Variants in THBS2 observed in about 807,000 individuals in gnomAD.
THBS2 encodes the protein thrombospondin 2, also known as thrombospondin-2.
Under a neutral mutation model 135.2 loss-of-function variants are expected in THBS2, and 47 were observed. That is an observed-to-expected ratio of 0.35 (90% CI 0.28 to 0.44). THBS2 has a LOEUF of 0.44. THBS2 is among the 20% of genes least tolerant of loss of function. THBS2 has a pLI of 1.00. For missense variants in THBS2, 1,288 were observed against 1,603.1 expected (o/e 0.80, Z 3.36); for synonymous variants, 639 against 633.8 (o/e 1.01, Z -0.12).
At chr6:169,222,542 C>A (rs1779464848) in intron 18 of THBS2, 74 bp from the exon 19 acceptor site, 6 of 1,532,904 alleles carry the variant, frequency 3.9e-6, no homozygotes, top group Non-Finnish European at 5.3e-6. Context: ...TGCCTGTAAT[C>A]CCAGCACTTT....
Position 169,232,652 on chromosome 6 carries a change from G to T in THBS2, c.1932+12C>A. 1.3e-6 allele frequency: 2 copies of T among 1,587,362 alleles called. No homozygotes were observed. Among genetic ancestry groups the T allele is most frequent in the Non-Finnish European group, 1.7e-6 (2 of 1,167,384 alleles). ...CCGCTCGCAACACACAAGGAAGGCC[G>T]GCCTTGCGTACTTGCTTTTCCGTCT... On this transcript the variant is annotated intron_variant, in intron 12 of 21. Coordinates refer to ENST00000617924, the MANE Select transcript of THBS2 (RefSeq NM_003247.5).
chr6:169,237,407 C>T (rs941367763), intron 8 of THBS2, 61 bp from the exon 9 acceptor site: 54 of 1,595,826 alleles, frequency 3.4e-5, no homozygotes, highest in South Asian at 9.9e-5. Flanking sequence ...TGCCTGTAAG[C>T]GGTGTGCCTT....
At chr6:169,229,796 T>C in intron 13 of THBS2, 117 bp from the exon 14 acceptor site, 1 of 764,578 alleles carries the variant, frequency 1.3e-6, no homozygotes, top group Non-Finnish European at 2.2e-6. Flanking sequence ...CCATCAGTCC[T>C]CGATCTCAAG....
chr6:169,247,944 G>A (rs748000224), intron 3 of THBS2, among the ~76,000 whole-genome samples: 30 of 151,648 alleles, frequency 2.0e-4, no homozygotes, highest in East Asian at 3.9e-4. Context: ...GTTTATGTGC[G>A]TCTGCATGTG....
chr6:169,246,362 A>C (rs1453493054), intron 3 of THBS2, 81 bp from the exon 4 acceptor site: 1 of 1,194,916 alleles, frequency 8.4e-7, no homozygotes, highest in Non-Finnish European at 1.2e-6. Context: ...CATTCTAAAA[A>C]TACAAGTTGG....
rs755893136 is a variant in THBS2, at chr6:169,220,128, G to A, written c.3511+70C>T. 50 of 1,549,370 alleles carry A rather than the reference G, an allele frequency of 3.2e-5. 1 individual carries two copies. The highest frequency in any genetic ancestry group is 2.2e-4 in the African/African-American group (16 of 73,372). On this transcript the variant is annotated intron_variant, in intron 21 of 21. Transcript: ENST00000617924. ...GTACAGCTTTTGTAAGTGGAAGAGC[G>A]CACTGTGTACCCCTTTCCCTTTCTG... is the stretch of plus-strand genomic sequence containing the variant.
chr6:169,218,174 G>GATGGATGAGTGGGTTGGTGGATGAGATGA lies in THBS2; in HGVS notation c.3512-374_3512-346dup, dbSNP rs1173748340. Among the ~76,000 whole-genome samples the GATGGATGAGTGGGTTGGTGGATGAGATGA allele has an allele frequency of 4.1e-3, 603 of 147,992 alleles. 9 individuals carry two copies. The highest frequency in any genetic ancestry group is 0.015 in the African/African-American group (577 of 39,632). On this transcript the variant is annotated intron_variant, in intron 21 of 21. Coordinates refer to ENST00000617924, the MANE Select transcript of THBS2 (RefSeq NM_003247.5). ...GATGGATGAAATGAGTGGGTGGATG[G>GATGGATGAGTGGGTTGGTGGATGAGATGA]ATGGATGAGTGGGTTGGTGGATGAG... is the stretch of plus-strand genomic sequence containing the variant.
chr6:169,239,586 T>C lies in THBS2; in HGVS notation c.1129+13A>G. 6.3e-7 allele frequency: 1 copy of C among 1,586,702 alleles called. No homozygotes were observed. Among genetic ancestry groups the C allele is most frequent in the Non-Finnish European group, 8.6e-7 (1 of 1,165,196 alleles). On this transcript the variant is annotated intron_variant, in intron 7 of 21. Transcript: ENST00000617924. ...AAAAATGCAGGATGCGCTTGCCGGC[T>C]GGCGATACTCACAGTGGAGGCAGGA...
At chr6:169,218,660 GA>G (rs1453270452) in intron 21 of THBS2, among the ~76,000 whole-genome samples, 7 of 100,082 alleles carry the variant, frequency 7.0e-5, no homozygotes, top group African/African-American at 1.9e-4. Flanking sequence ...GAATGGATGA[GA>G]TGGATGGGCG....
In THBS2 at chr6:169,229,587, A is replaced by G; in HGVS notation, c.2244T>C (p.Gly748=). The change falls in exon 14 of 22, where the codon GGT becomes GGC. Residue 748 remains glycine (G), a synonymous_variant. Coordinates refer to ENST00000617924, the MANE Select transcript of THBS2 (RefSeq NM_003247.5). ...DACDDDDDND[G]VTDEKDNCQL... ...CTGCTCCTACCTTCTCATCGGTCACACCGTCATTGTCATCGTCATCATCAC... is the reference window on the plus strand; with the variant it reads ...CTGCTCCTACCTTCTCATCGGTCACGCCGTCATTGTCATCGTCATCATCAC... The G allele has an allele frequency of 6.2e-7, 1 of 1,614,080 alleles. No individual in the cohort carries two copies. Among genetic ancestry groups the G allele is most frequent in the Non-Finnish European group, 8.5e-7 (1 of 1,179,962 alleles).
At chr6:169,221,974 G>A (rs892566829) in intron 19 of THBS2, among the ~76,000 whole-genome samples, 1 of 152,192 alleles carries the variant, frequency 6.6e-6, no homozygotes, top group African/African-American at 2.4e-5. Flanking sequence ...GGTTTAATTT[G>A]TAAAAGGATT....
In THBS2 at chr6:169,245,685, A is replaced by G. The variant is rs560377250; in HGVS notation, c.694+512T>C. Among the ~76,000 whole-genome samples, 5 of 151,356 alleles carry G rather than the reference A, an allele frequency of 3.3e-5. No individual in the cohort carries two copies. In the East Asian group the frequency reaches 5.9e-4, roughly 18 times the overall value. On this transcript the variant is annotated intron_variant, in intron 4 of 21. Transcript: ENST00000617924. Reference sequence around the variant, plus strand: ...CGGGTGCCTGTAGTCCCAGCTACTCAGGAGGCTGAGGCAGAAGAGTGGCGT... The same window carrying G: ...CGGGTGCCTGTAGTCCCAGCTACTCGGGAGGCTGAGGCAGAAGAGTGGCGT...
intron 21 of THBS2, among the ~76,000 whole-genome samples, chr6:169,219,329 T>TGGGGGG (rs1405921917): frequency 3.0e-5 from 1 of 33,442 alleles, no homozygotes. Flanking sequence ...GATGGGTGGG[T>TGGGGGG]GTGTGGGTGG....
intron 15 of THBS2, 47 bp downstream of exon 15, chr6:169,228,074 CA>C (rs11284439): frequency 0.23 from 309,647 of 1,344,684 alleles, 5,397 homozygotes; most frequent in African/African-American, 0.34. Context: ...AACTCCATCT[CA>C]AAAAAAAAAA....
rs1779894548 is a variant in THBS2 at position 169,232,815 on chromosome 6, C to T, written c.1781G>A (p.Cys594Tyr). The T allele has an allele frequency of 6.2e-7, 1 of 1,612,810 alleles. No individual in the cohort carries two copies. Among genetic ancestry groups the T allele is most frequent in the Non-Finnish European group, 8.5e-7 (1 of 1,179,396 alleles). The change falls in exon 12 of 22, where the codon TGT becomes TAT. Residue 594 changes from cysteine (C) to tyrosine (Y), a missense_variant and splice_region_variant. By Grantham distance (194) the Cys-to-Tyr change is radical. Transcript: ENST00000617924. ...GAAGCAGATGTCGGGGACCAGGGCA[C>T]ACTGCGGGGACAAGCAGACATGAGA... is the stretch of plus-strand genomic sequence containing the variant. Reference protein sequence around the residue: ...NGTHCEDLDECALVPDICFST... With the variant: ...NGTHCEDLDEYALVPDICFST...
chr6:169,217,919 A>G, intron 21 of THBS2, 90 bp from the exon 22 acceptor site: 1 of 1,202,318 alleles, frequency 8.3e-7, no homozygotes, highest in South Asian at 1.5e-5. Flanking sequence ...CCAGAAATAT[A>G]ATTACTTTAA....
In THBS2 at chr6:169,232,094, C is replaced by T. The variant is rs958661800; in HGVS notation, c.2037G>A (p.Glu679=). 5.0e-6 allele frequency: 8 copies of T among 1,614,014 alleles called. No homozygotes were observed. The highest frequency in any genetic ancestry group is 2.2e-5 in the East Asian group (1 of 44,882). ...CGTCGCCCGCGTAGCCTGTCTGGCA[C>T]TCGCACTTGTACATGGGGTCGCTGA... ...GHFSDPMYKC[E]CQTGYAGDGL... The change falls in exon 13 of 22, where the codon GAG becomes GAA. Residue 679 remains glutamate (E), a synonymous_variant. Transcript: ENST00000617924.
intron 9 of THBS2, among the ~76,000 whole-genome samples, chr6:169,236,939 C>A (rs183968014): frequency 1.1e-4 from 17 of 152,248 alleles, no homozygotes; most frequent in African/African-American, 3.6e-4. Context: ...TGGAATGAAA[C>A]GGGGCTATCT....
chr6:169,247,108 T>C (rs79776921), intron 3 of THBS2, among the ~76,000 whole-genome samples: 2,255 of 152,316 alleles, frequency 0.015, 64 homozygotes, highest in African/African-American at 0.051. Context: ...CTGGGATTGC[T>C]AGAAACATTT....
Sources: gnomAD v4.1 joint callset for allele counts (sites outside exome capture counted in the v4.1 genomes callset) on GRCh38, gnomAD v4.1.1 for gene constraint, MANE v1.5 for transcripts, NCBI Gene and HGNC (gene_info 2026-07-23, HGNC 2026-07-21) for gene names.